TPH2: variants seen among roughly 807,000 people sequenced by gnomAD.
TPH2 encodes tryptophan 5-hydroxylase 2.
Under a neutral mutation model 59.1 loss-of-function variants are expected in TPH2, and 27 were observed. The ratio of observed to expected loss-of-function variants is 0.46; its 90% CI spans 0.34 to 0.63. The LOEUF (loss-of-function observed/expected upper bound fraction) is 0.63, where lower values mean the gene tolerates loss of function less well. TPH2 is among the 30% of genes least tolerant of loss of function. The pLI, the probability that TPH2 is intolerant of heterozygous loss-of-function variation, is 0.01. For missense variants in TPH2, 523 were observed against 588.3 expected, an observed-to-expected ratio of 0.89 and a Z score of 1.15; for synonymous variants, 220 against 210.5, an observed-to-expected ratio of 1.05 and a Z score of -0.39.
intron 7 of TPH2, 65 bp downstream of exon 7, chr12:71,979,152 A>T (rs1872202132): frequency 1.9e-6 from 3 of 1,605,536 alleles, no homozygotes; most frequent in African/African-American, 2.7e-5. Context: ...CTTTACTTGA[A>T]AATGACTTAG....
At chr12:71,952,521 C>A (rs1478784535) in intron 5 of TPH2, among the ~76,000 whole-genome samples, 1 of 152,040 alleles carries the variant, frequency 6.6e-6, no homozygotes, top group African/African-American at 2.4e-5. Flanking sequence ...GCAGAGGAGG[C>A]CAGATTATAA....
At chr12:71,965,230 G>A (rs1286291813) in intron 5 of TPH2, 1 of 152,180 alleles carries the variant, frequency 6.6e-6, no homozygotes, top group African/African-American at 2.4e-5. Flanking sequence ...ATTGTAAATA[G>A]TGCTGCAGTG....
At chr12:71,957,325 G>T (rs938568458) in intron 5 of TPH2, among the ~76,000 whole-genome samples, 3 of 145,976 alleles carry the variant, frequency 2.1e-5, no homozygotes, top group African/African-American at 7.6e-5. Context: ...AATGAGTAAA[G>T]GATTTTTTTT....
intron 5 of TPH2, among the ~76,000 whole-genome samples, chr12:71,968,639 G>A (rs1277424938): frequency 1.3e-5 from 2 of 152,212 alleles, no homozygotes; most frequent in Admixed American, 1.3e-4. Flanking sequence ...TCGCAGGTGC[G>A]CTCTCAGGGA....
intron 7 of TPH2, among the ~76,000 whole-genome samples, chr12:71,985,713 C>T (rs987060851): frequency 1.3e-5 from 2 of 151,998 alleles, no homozygotes; most frequent in Admixed American, 6.6e-5. Context: ...GGGATACTTC[C>T]TTACTTTTAT....
At chr12:72,014,397 T>TC (rs1566164094) in intron 8 of TPH2, among the ~76,000 whole-genome samples, 1 of 148,618 alleles carries the variant, frequency 6.7e-6, no homozygotes, top group Non-Finnish European at 1.5e-5. Context: ...CTTTTTTTCT[T>TC]TTTTTTTTTT....
chr12:71,974,618 C>T (rs1316810344), intron 6 of TPH2, among the ~76,000 whole-genome samples: 2 of 152,178 alleles, frequency 1.3e-5, no homozygotes, highest in Non-Finnish European at 2.9e-5. Flanking sequence ...TCTGCAAAGT[C>T]TCTTTTGCCA....
At chr12:71,991,403 G>A (rs1467948309) in intron 7 of TPH2, among the ~76,000 whole-genome samples, 2 of 152,168 alleles carry the variant, frequency 1.3e-5, no homozygotes, top group Non-Finnish European at 2.9e-5. Flanking sequence ...ACAGTGCCTG[G>A]CTCATAGTAA....
intron 8 of TPH2, among the ~76,000 whole-genome samples, chr12:72,017,636 G>A (rs1592413570): frequency 6.6e-6 from 1 of 152,054 alleles, no homozygotes; most frequent in African/African-American, 2.4e-5. Context: ...TCTTTTACAG[G>A]TGTTCTTACA....
At chr12:72,028,750 G>A (rs1228592663) in intron 9 of TPH2, among the ~76,000 whole-genome samples, 2 of 152,218 alleles carry the variant, frequency 1.3e-5, no homozygotes, top group Non-Finnish European at 2.9e-5. Context: ...GTCTCCAGCA[G>A]GTAACCAGCA....
intron 7 of TPH2, among the ~76,000 whole-genome samples, chr12:71,983,566 C>A (rs1042557413): frequency 6.6e-6 from 1 of 152,076 alleles, no homozygotes; most frequent in South Asian, 2.1e-4. Context: ...TCCTTTTTGT[C>A]TCTCTGGGAA....
chr12:71,941,561 A>G (rs761037423), intron 1 of TPH2, 23 bp from the exon 2 acceptor site: 2 of 1,611,300 alleles, frequency 1.2e-6, no homozygotes, highest in Non-Finnish European at 1.7e-6. Flanking sequence ...ATTTTGTTTT[A>G]TTATGCTTCG....
chr12:72,017,622 A>G (rs902282804), intron 8 of TPH2, among the ~76,000 whole-genome samples: 4 of 152,080 alleles, frequency 2.6e-5, no homozygotes, highest in African/African-American at 9.7e-5. Flanking sequence ...AGAATCTGCA[A>G]TTTTCTTTTA....
chr12:72,002,737 C>T (rs1003282749), intron 8 of TPH2, among the ~76,000 whole-genome samples: 33 of 150,602 alleles, frequency 2.2e-4, no homozygotes, highest in African/African-American at 7.8e-4. Context: ...CATGACCAGA[C>T]CATCACCTAT....
In TPH2 at chr12:71,964,298, T is replaced by C. The variant is rs1440769205; in HGVS notation, c.609-8221T>C. 4.1e-5 allele frequency: 2 copies of C among 49,024 alleles called. 1 individual carries two copies. Among genetic ancestry groups the C allele is most frequent in the African/African-American group, 1.1e-4 (2 of 17,460 alleles). 3.0% of individuals were successfully genotyped at this position (49,024 alleles called of 1,614,324 possible). On this transcript the variant is annotated intron_variant, in intron 5 of 10. Coordinates refer to ENST00000333850, the MANE Select transcript of TPH2 (RefSeq NM_173353.4). ...CAGAAAAAATATATATATAGTTGTT[T>C]TGTTTTGAGATGGGGTCTCTGTCGT...
At chr12:71,973,819 AT>A (rs1872041725) in intron 6 of TPH2, among the ~76,000 whole-genome samples, 1 of 152,160 alleles carries the variant, frequency 6.6e-6, no homozygotes, top group Admixed American at 6.5e-5. Context: ...AATACTTTAC[AT>A]TATAATTTGT....
chr12:72,025,348 A>C (rs904024776), intron 9 of TPH2, among the ~76,000 whole-genome samples: 1 of 152,136 alleles, frequency 6.6e-6, no homozygotes, highest in South Asian at 2.1e-4. Context: ...TAACTTTTAC[A>C]TAAGTATCCA....
At chr12:72,010,087 A>G (rs1484829125) in intron 8 of TPH2, among the ~76,000 whole-genome samples, 2 of 152,236 alleles carry the variant, frequency 1.3e-5, no homozygotes, top group African/African-American at 4.8e-5. Context: ...CAGGGAACCT[A>G]AAACTCAGAA....
rs564842714 is a variant in TPH2 at position 71,947,254 on chromosome 12, G to C, written c.541-2334G>C. On this transcript the variant is annotated intron_variant, in intron 4 of 10. Coordinates refer to ENST00000333850, the MANE Select transcript of TPH2 (RefSeq NM_173353.4). ...AAAATACTGATGCCAGGGCCTCTGGGAATGTGGCCAGGTTTGATGTATTAT... is the reference window on the plus strand; with the variant it reads ...AAAATACTGATGCCAGGGCCTCTGGCAATGTGGCCAGGTTTGATGTATTAT... 6.6e-5 allele frequency among the ~76,000 whole-genome samples: 10 copies of C among 152,202 alleles called. No individual in the cohort carries two copies. The East Asian group carries it at 1.9e-3, about 29-fold the overall frequency.
Sources: allele counts gnomAD v4.1 joint callset (sites outside exome capture counted in the v4.1 genomes callset), GRCh38; gene constraint gnomAD v4.1.1; transcripts MANE v1.5; gene names NCBI Gene and HGNC (gene_info 2026-07-23, HGNC 2026-07-21).